NECAB1: variants seen among roughly 807,000 people sequenced by gnomAD.
NECAB1 encodes N-terminal EF-hand calcium binding protein 1, also known as N-terminal EF-hand calcium-binding protein 1.
In NECAB1, 29 loss-of-function variants were observed where a neutral mutation model predicts 57.5. The ratio of observed to expected loss-of-function variants is 0.50; its 90% CI spans 0.38 to 0.69. NECAB1 has a LOEUF of 0.69. NECAB1 is among the 30% of genes least tolerant of loss of function. The pLI is 0.00. For missense variants in NECAB1, 372 were observed against 413.8 expected, an observed-to-expected ratio of 0.90 and a Z score of 0.88; for synonymous variants, 142 against 147.7, an observed-to-expected ratio of 0.96 and a Z score of 0.28.
chr8:90,951,756 A>C (rs1178968006), intron 12 of NECAB1, among the ~76,000 whole-genome samples: 2 of 109,714 alleles, frequency 1.8e-5, no homozygotes, highest in Admixed American at 1.9e-4. Context: ...GCAAAGACAA[A>C]TTTTAGCAGA....
chr8:90,929,091 C>A (rs1210511733), intron 8 of NECAB1, among the ~76,000 whole-genome samples: 5 of 152,080 alleles, frequency 3.3e-5, no homozygotes, highest in African/African-American at 1.2e-4. Flanking sequence ...CCTAAAAAGG[C>A]AGAGCAAGAG....
At chr8:90,826,096 A>G (rs988980937) in intron 3 of NECAB1, among the ~76,000 whole-genome samples, 8 of 151,872 alleles carry the variant, frequency 5.3e-5, no homozygotes, top group African/African-American at 1.7e-4. Flanking sequence ...GAGAGATTAC[A>G]AATTCCTTAG....
intron 2 of NECAB1, among the ~76,000 whole-genome samples, chr8:90,816,387 T>G (rs555624430): frequency 1.3e-5 from 2 of 151,898 alleles, no homozygotes; most frequent in Admixed American, 6.6e-5. Flanking sequence ...TAATTTTTCT[T>G]TTATGATGTT....
intron 5 of NECAB1, among the ~76,000 whole-genome samples, chr8:90,907,421 GCTGT>G (rs1457787392): frequency 2.0e-5 from 3 of 152,134 alleles, no homozygotes; most frequent in African/African-American, 7.2e-5. Context: ...GAGAAATAGT[GCTGT>G]CTTTCAATCC....
intron 5 of NECAB1, among the ~76,000 whole-genome samples, chr8:90,916,835 C>T (rs1240828124): frequency 6.6e-6 from 1 of 152,142 alleles, no homozygotes; most frequent in Non-Finnish European, 1.5e-5. Context: ...GGGGCTGTTT[C>T]AGTGAATGCT....
At chr8:90,909,315 G>C (rs1354055785) in intron 5 of NECAB1, among the ~76,000 whole-genome samples, 1 of 151,590 alleles carries the variant, frequency 6.6e-6, no homozygotes, top group Non-Finnish European at 1.5e-5. Context: ...TATATCTATG[G>C]CTGCTTTCAT....
chr8:90,957,978 CA>C lies in NECAB1; in HGVS notation c.*2467del, dbSNP rs1374255693. On this transcript the variant is annotated 3_prime_UTR_variant, in exon 13 of 13. Coordinates refer to ENST00000417640, the MANE Select transcript of NECAB1 (RefSeq NM_022351.5). Reference sequence around the variant, plus strand: ...AGTACTGGTTTAGGAGTTCAAAATTCAGTGAAACAAACTTTTTGCCAATAGA... The same window carrying C: ...AGTACTGGTTTAGGAGTTCAAAATTCGTGAAACAAACTTTTTGCCAATAGA... The C allele has an allele frequency of 6.6e-6, 1 of 150,498 alleles. No individual in the cohort carries two copies. The highest frequency in any genetic ancestry group is 2.4e-5 in the African/African-American group (1 of 41,130). 9.3% of individuals were successfully genotyped at this position (150,498 alleles called of 1,614,324 possible).
At chr8:90,916,105 T>G (rs1175824766) in intron 5 of NECAB1, among the ~76,000 whole-genome samples, 1 of 152,178 alleles carries the variant, frequency 6.6e-6, no homozygotes, top group Non-Finnish European at 1.5e-5. Flanking sequence ...CCAATCAAGT[T>G]TACACTCAAT....
rs909497635 is a variant in NECAB1, at chr8:90,883,964, G to A, written c.357+2834G>A. ...CTGATGCTACGGCTGAATTCATCAC[G>A]TGCTATGTTATATAAACACAAATGG... On this transcript the variant is annotated intron_variant, in intron 5 of 12. Transcript: ENST00000417640. Among the ~76,000 whole-genome samples, 4 of 152,250 alleles carry A rather than the reference G, an allele frequency of 2.6e-5. No individual in the cohort carries two copies. In the South Asian group the frequency reaches 6.2e-4, roughly 24 times the overall value.
intron 3 of NECAB1, among the ~76,000 whole-genome samples, chr8:90,839,217 A>G (rs1383907501): frequency 1.3e-5 from 2 of 152,196 alleles, no homozygotes; most frequent in African/African-American, 4.8e-5. Context: ...CTACCACAAA[A>G]GGCTAGTGAA....
At chr8:90,856,648 T>C (rs542626036) in intron 3 of NECAB1, among the ~76,000 whole-genome samples, 10 of 152,348 alleles carry the variant, frequency 6.6e-5, no homozygotes, top group Non-Finnish European at 1.2e-4. Context: ...TTTGGTCTGA[T>C]CAATGCACAT....
At chr8:90,854,817 T>C (rs1308852859) in intron 3 of NECAB1, among the ~76,000 whole-genome samples, 1 of 152,214 alleles carries the variant, frequency 6.6e-6, no homozygotes, top group Non-Finnish European at 1.5e-5. Context: ...CTCCCCACCA[T>C]GGGAGTGTAA....
chr8:90,881,841 T>C (rs1808845943), intron 5 of NECAB1, among the ~76,000 whole-genome samples: 1 of 152,156 alleles, frequency 6.6e-6, no homozygotes. Flanking sequence ...AGACATCTAA[T>C]TCATGCTGGA....
At chr8:90,811,114 AT>A (rs1421177195) in intron 2 of NECAB1, among the ~76,000 whole-genome samples, 20 of 151,862 alleles carry the variant, frequency 1.3e-4, no homozygotes, top group Admixed American at 1.0e-3. Context: ...TGCCCGGCTA[AT>A]TTTTTGGGGT....
rs1563549812 is a variant in NECAB1 at position 90,957,209 on chromosome 8, A to C, written c.*1697A>C. The C allele has an allele frequency of 6.6e-6, 1 of 152,002 alleles. No homozygotes were observed. The highest frequency in any genetic ancestry group is 1.5e-5 in the Non-Finnish European group (1 of 67,942). 9.4% of individuals were successfully genotyped at this position (152,002 alleles called of 1,614,324 possible). Reference sequence around the variant, plus strand: ...ATCAAAAGACTTTAAAACCTAAATGACTTTTGACATACAAACTCTTCTTGA... The same window carrying C: ...ATCAAAAGACTTTAAAACCTAAATGCCTTTTGACATACAAACTCTTCTTGA... On this transcript the variant is annotated 3_prime_UTR_variant, in exon 13 of 13. Coordinates refer to ENST00000417640, the MANE Select transcript of NECAB1 (RefSeq NM_022351.5).
intron 10 of NECAB1, among the ~76,000 whole-genome samples, chr8:90,945,200 T>G (rs1339351607): frequency 6.6e-6 from 1 of 152,174 alleles, no homozygotes; most frequent in East Asian, 1.9e-4. Context: ...CCCAAGTAGC[T>G]GGGACTATAG....
intron 5 of NECAB1, among the ~76,000 whole-genome samples, chr8:90,897,743 G>A (rs1191738050): frequency 6.6e-6 from 1 of 152,196 alleles, no homozygotes; most frequent in Non-Finnish European, 1.5e-5. Context: ...TGGGGAAAAT[G>A]TAAATGAACT....
chr8:90,874,797 C>T (rs2129260), intron 4 of NECAB1, among the ~76,000 whole-genome samples: 66,685 of 151,992 alleles, frequency 0.44, 17,205 homozygotes, highest in East Asian at 0.77. Flanking sequence ...CTCACACTCA[C>T]GTTCAAGTAA....
At chr8:90,939,455 GGAGGGTAGT>G (rs1810618274) in intron 9 of NECAB1, among the ~76,000 whole-genome samples, 1 of 152,240 alleles carries the variant, frequency 6.6e-6, no homozygotes, top group Non-Finnish European at 1.5e-5. Flanking sequence ...CATGAGTTCA[GGAGGGTAGT>G]GAAGAGTTCT....
Sources: gnomAD v4.1 joint callset for allele counts (sites outside exome capture counted in the v4.1 genomes callset) on GRCh38, gnomAD v4.1.1 for gene constraint, MANE v1.5 for transcripts, NCBI Gene and HGNC (gene_info 2026-07-23, HGNC 2026-07-21) for gene names.